The following KCNIP4 variants were observed in gnomAD, a reference collection of about 807,000 sequenced individuals.
KCNIP4 encodes the protein Kv channel-interacting protein 4.
Under a neutral mutation model 34.0 loss-of-function variants are expected in KCNIP4, and 12 were observed. That is an observed-to-expected ratio of 0.35 (90% confidence interval 0.23 to 0.57). The LOEUF is 0.57. KCNIP4 is among the 20% of genes least tolerant of loss of function. The pLI, the probability that KCNIP4 is intolerant of heterozygous loss-of-function variation, is 0.83. For missense variants in KCNIP4, 238 were observed against 311.7 expected, an observed-to-expected ratio of 0.76 and a Z score of 1.78; for synonymous variants, 124 against 102.2, an observed-to-expected ratio of 1.21 and a Z score of -1.29.
At chr4:21,486,809 T>C (rs1017043869) in intron 1 of KCNIP4, among the ~76,000 whole-genome samples, 3 of 151,880 alleles carry the variant, frequency 2.0e-5, no homozygotes, top group Admixed American at 6.6e-5. Flanking sequence ...TGACACATAT[T>C]TATTACCTAT....
At chr4:20,782,038 C>T (rs1296689240) in intron 3 of KCNIP4, among the ~76,000 whole-genome samples, 1 of 152,088 alleles carries the variant, frequency 6.6e-6, no homozygotes, top group Non-Finnish European at 1.5e-5. Context: ...GTCACAGGGC[C>T]CTTGCAAGTC....
intron 1 of KCNIP4, among the ~76,000 whole-genome samples, chr4:21,924,534 G>A (rs749132675): frequency 6.2e-4 from 94 of 152,008 alleles, no homozygotes; most frequent in Non-Finnish European, 8.8e-4. Context: ...GTGAGCCACC[G>A]CGCCTGGACA....
chr4:21,816,998 C>T (rs918584740), intron 1 of KCNIP4, among the ~76,000 whole-genome samples: 1 of 152,138 alleles, frequency 6.6e-6, no homozygotes, highest in Non-Finnish European at 1.5e-5. Context: ...CTTAGAAAAA[C>T]GTTTCATAGT....
At chr4:21,906,959 T>G (rs747425018) in intron 1 of KCNIP4, among the ~76,000 whole-genome samples, 19 of 152,226 alleles carry the variant, frequency 1.2e-4, no homozygotes, top group Non-Finnish European at 2.2e-4. Flanking sequence ...TTATCCACTT[T>G]GATACACGAA....
intron 1 of KCNIP4, among the ~76,000 whole-genome samples, chr4:21,896,685 G>A (rs28476598): frequency 0.31 from 47,708 of 151,936 alleles, 7,852 homozygotes; most frequent in African/African-American, 0.42. Flanking sequence ...TTGGGAGGCC[G>A]AGGCAGGCAG....
In KCNIP4 at chr4:21,820,316, T is replaced by C. The variant is rs867660787; in HGVS notation, c.61+128255A>G. Among the ~76,000 whole-genome samples, 196 of 103,736 alleles carry C rather than the reference T, an allele frequency of 1.9e-3. 1 individual carries two copies. Among genetic ancestry groups the C allele is most frequent in the African/African-American group, 5.4e-3 (182 of 33,646 alleles). 68.1% of individuals were successfully genotyped at this position (103,736 alleles called of 152,430 possible). A position where few individuals can be genotyped will look rare whatever the true frequency, so the allele number is the denominator to read the frequency against. Reference sequence around the variant, plus strand: ...ATATATATATATATATATATATATATATATATATACATATATACACATACA... The same window carrying C: ...ATATATATATATATATATATATATACATATATATACATATATACACATACA... On this transcript the variant is annotated intron_variant, in intron 1 of 8. Coordinates refer to ENST00000382152, the MANE Select transcript of KCNIP4 (RefSeq NM_025221.6).
chr4:21,884,772 C>T (rs1726663996), intron 1 of KCNIP4, among the ~76,000 whole-genome samples: 1 of 152,084 alleles, frequency 6.6e-6, no homozygotes, highest in African/African-American at 2.4e-5. Context: ...CCCTCTCTCA[C>T]TACCTTCTAG....
chr4:21,674,681 T>C (rs891582322), intron 1 of KCNIP4, among the ~76,000 whole-genome samples: 2 of 152,110 alleles, frequency 1.3e-5, no homozygotes, highest in African/African-American at 4.8e-5. Context: ...TTTTGGGAAT[T>C]TTAATCCTAT....
chr4:21,834,448 C>A (rs79304136), intron 1 of KCNIP4, among the ~76,000 whole-genome samples: 5 of 152,214 alleles, frequency 3.3e-5, no homozygotes, highest in African/African-American at 7.2e-5. Flanking sequence ...ATTTTGTATC[C>A]TGAGACTTTG....
At chr4:21,706,869 G>A (rs762776234) in intron 1 of KCNIP4, among the ~76,000 whole-genome samples, 80 of 152,232 alleles carry the variant, frequency 5.3e-4, no homozygotes, top group African/African-American at 1.9e-3. Flanking sequence ...AAGCAGAGCA[G>A]AGCCTTGCGG....
At chr4:21,119,253 G>T (rs1320872444) in intron 1 of KCNIP4, among the ~76,000 whole-genome samples, 1 of 151,954 alleles carries the variant, frequency 6.6e-6, no homozygotes, top group Non-Finnish European at 1.5e-5. Context: ...TGGAACTTTA[G>T]CTTCCTCCAG....
chr4:21,138,064 G>A (rs971059546), intron 1 of KCNIP4, among the ~76,000 whole-genome samples: 1 of 151,866 alleles, frequency 6.6e-6, no homozygotes, highest in African/African-American at 2.4e-5. Flanking sequence ...TAGAGACAGG[G>A]TTTCACCATG....
At chr4:21,475,737 G>C (rs1730896385) in intron 1 of KCNIP4, among the ~76,000 whole-genome samples, 2 of 152,094 alleles carry the variant, frequency 1.3e-5, no homozygotes. Context: ...GTGAAACTCT[G>C]ATATTCTAGT....
chr4:21,381,162 G>A (rs555947764), intron 1 of KCNIP4, among the ~76,000 whole-genome samples: 41 of 152,278 alleles, frequency 2.7e-4, no homozygotes, highest in African/African-American at 8.7e-4. Context: ...GAGAAGGGAC[G>A]AGATGTCATT....
intron 1 of KCNIP4, among the ~76,000 whole-genome samples, chr4:21,878,236 C>G (rs1045824605): frequency 2.6e-5 from 4 of 152,104 alleles, no homozygotes; most frequent in African/African-American, 7.2e-5. Flanking sequence ...CCACCACGCA[C>G]AGCTAATTTT....
At chr4:21,365,478 A>AAAATAAAT (rs3048729) in intron 1 of KCNIP4, among the ~76,000 whole-genome samples, 21,813 of 131,602 alleles carry the variant, frequency 0.17, 2,124 homozygotes, top group Middle Eastern at 0.29. Context: ...ACTGTCTCAA[A>AAAATAAAT]AAATAAATAA....
intron 1 of KCNIP4, among the ~76,000 whole-genome samples, chr4:21,425,044 T>C (rs756027329): frequency 1.3e-5 from 2 of 152,128 alleles, no homozygotes; most frequent in Admixed American, 6.6e-5. Flanking sequence ...CAAAATAATA[T>C]GATGGGGGAA....
chr4:21,877,940 T>A (rs1055575394), intron 1 of KCNIP4, among the ~76,000 whole-genome samples: 1 of 152,212 alleles, frequency 6.6e-6, no homozygotes, highest in Non-Finnish European at 1.5e-5. Flanking sequence ...AATTCAGATA[T>A]GCTGAGTGAG....
chr4:21,815,105 T>C (rs1366987156), intron 1 of KCNIP4, among the ~76,000 whole-genome samples: 1 of 152,176 alleles, frequency 6.6e-6, no homozygotes, highest in Non-Finnish European at 1.5e-5. Context: ...TAAGGAATGC[T>C]ATGAGGATCG....
Sources: allele counts gnomAD v4.1 joint callset (sites outside exome capture counted in the v4.1 genomes callset), GRCh38; gene constraint gnomAD v4.1.1; transcripts MANE v1.5; gene names NCBI Gene and HGNC (gene_info 2026-07-23, HGNC 2026-07-21).